Variants in TUSC3 observed in about 807,000 individuals in gnomAD.
The protein encoded by TUSC3 is tumor suppressor candidate 3, also known as dolichyl-diphosphooligosaccharide--protein glycosyltransferase subunit TUSC3.
A neutral mutation model predicts 44.8 loss-of-function variants in TUSC3; 45 were observed. The ratio of observed to expected loss-of-function variants is 1.00; its 90% CI spans 0.79 to 1.29. The LOEUF (loss-of-function observed/expected upper bound fraction) is 1.29. Among genes scored for constraint, TUSC3 ranks in the 50% most tolerant of loss-of-function variants. The probability of loss-of-function intolerance (pLI) is 0.00; values close to 1 mark genes in which losing one functional copy is unlikely to be tolerated. For missense variants in TUSC3, 519 were observed against 437.9 expected (o/e 1.19, Z -1.65); for synonymous variants, 212 against 152.9 (o/e 1.39, Z -2.85).
the TUSC3 span, among the ~76,000 whole-genome samples, chr8:15,830,777 G>C: frequency 4.6e-5 from 7 of 152,240 alleles, no homozygotes; most frequent in East Asian, 9.7e-4. Flanking sequence ...GTGGAAGGGG[G>C]ATCAGGGTTG....
In TUSC3 at chr8:15,651,413, A is replaced by AT. The variant is rs200331350; in HGVS notation, c.426+602dup. ...TCTCTCTGTTTATGGACTGAATTGT[A>AT]TTTCCCCAAATTCATAAGTTGAAGC... On this transcript the variant is annotated intron_variant, in intron 3 of 10. Coordinates refer to ENST00000503731, the MANE Select transcript of TUSC3 (RefSeq NM_006765.4). 4.8e-3 allele frequency among the ~76,000 whole-genome samples: 734 copies of AT among 152,294 alleles called. 18 individuals are homozygous for AT. The East Asian group carries it at 0.069, about 14-fold the overall frequency.
intron 1 of TUSC3, among the ~76,000 whole-genome samples, chr8:15,593,698 A>G (rs1425293025): frequency 6.6e-6 from 1 of 151,860 alleles, no homozygotes; most frequent in Non-Finnish European, 1.5e-5. Flanking sequence ...GTCTTTCCTC[A>G]TTTCTACCAT....
At chr8:15,677,340 T>G (rs1808235302) in intron 6 of TUSC3, among the ~76,000 whole-genome samples, 2 of 152,200 alleles carry the variant, frequency 1.3e-5, no homozygotes, top group African/African-American at 2.4e-5. Context: ...TAAATATGAT[T>G]TAATCTGTGA....
intron 1 of TUSC3, among the ~76,000 whole-genome samples, chr8:15,472,404 A>G (rs549467926): frequency 6.6e-6 from 1 of 152,322 alleles, no homozygotes; most frequent in East Asian, 1.9e-4. Flanking sequence ...TTATAATTAG[A>G]TAATTTATGC....
chr8:15,454,219 C>A (rs1316895924), intron 1 of TUSC3, among the ~76,000 whole-genome samples: 1 of 152,160 alleles, frequency 6.6e-6, no homozygotes, highest in Non-Finnish European at 1.5e-5. Context: ...CACACTTGAT[C>A]TCTCAAGTCA....
chr8:15,726,128 T>C (rs1810486383), intron 6 of TUSC3, among the ~76,000 whole-genome samples: 1 of 152,186 alleles, frequency 6.6e-6, no homozygotes, highest in African/African-American at 2.4e-5. Flanking sequence ...AACCAGAACG[T>C]ACTGACTGGT....
chr8:15,648,127 T>G (rs1806711849), intron 2 of TUSC3, among the ~76,000 whole-genome samples: 1 of 152,212 alleles, frequency 6.6e-6, no homozygotes, highest in Non-Finnish European at 1.5e-5. Flanking sequence ...AAGGACTTAC[T>G]GGACTCTAGG....
intron 6 of TUSC3, among the ~76,000 whole-genome samples, chr8:15,686,096 A>T (rs1808616876): frequency 6.6e-6 from 1 of 152,180 alleles, no homozygotes; most frequent in Non-Finnish European, 1.5e-5. Flanking sequence ...TAATGGCACA[A>T]GTCAAGTACT....
chr8:15,582,289 G>C (rs182102939), intron 1 of TUSC3, among the ~76,000 whole-genome samples: 7,944 of 152,278 alleles, frequency 0.052, 342 homozygotes, highest in Non-Finnish European at 0.072. Flanking sequence ...CACGCTGGGA[G>C]CTGTAGACCG....
In TUSC3 at chr8:15,763,597, C is replaced by T. The variant is rs191189154; in HGVS notation, c.*47-606C>T. ...CATAAATGTTATTTAAATTGATTTA[C>T]CATCTTACAAAATTAAATTTTGTTT... On this transcript the variant is annotated intron_variant, in intron 10 of 10. Coordinates refer to ENST00000503731, the MANE Select transcript of TUSC3 (RefSeq NM_006765.4). 2.9e-3 allele frequency among the ~76,000 whole-genome samples: 436 copies of T among 151,950 alleles called. 5 individuals are homozygous for T. The highest frequency in any genetic ancestry group is 4.5e-3 in the Admixed American group (68 of 15,220).
Position 15,576,347 on chromosome 8 carries a change from A to G in TUSC3, c.138+35779A>G, listed in dbSNP as rs895489259. Among the ~76,000 whole-genome samples, 1,378 of 138,844 alleles carry G rather than the reference A, an allele frequency of 9.9e-3. 9 individuals are homozygous for G. The highest frequency in any genetic ancestry group is 0.016 in the Non-Finnish European group (1,044 of 65,338). 91.1% of individuals were successfully genotyped at this position (138,844 alleles called of 152,430 possible). A position where few individuals can be genotyped will look rare whatever the true frequency, so the allele number is the denominator to read the frequency against. On this transcript the variant is annotated intron_variant, in intron 1 of 10. Coordinates refer to ENST00000503731, the MANE Select transcript of TUSC3 (RefSeq NM_006765.4). ...TATTATACTTTAAGTTTTAGGGTAC[A>G]TGTGCACATTGTGCAGGTTAGTTAC...
the TUSC3 span, among the ~76,000 whole-genome samples, chr8:15,816,587 G>A: frequency 6.6e-6 from 1 of 152,206 alleles, no homozygotes; most frequent in African/African-American, 2.4e-5. Context: ...CAACCTATTC[G>A]AAGACTTAAT....
chr8:15,755,054 C>T (rs1187960873), intron 9 of TUSC3, among the ~76,000 whole-genome samples: 1 of 152,022 alleles, frequency 6.6e-6, no homozygotes, highest in Admixed American at 6.6e-5. Context: ...CTTAAATCTT[C>T]CCCTAAAGTT....
chr8:15,454,221 C>A (rs1397991790), intron 1 of TUSC3, among the ~76,000 whole-genome samples: 1 of 152,192 alleles, frequency 6.6e-6, no homozygotes, highest in African/African-American at 2.4e-5. Context: ...CACTTGATCT[C>A]TCAAGTCACC....
chr8:15,516,735 T>C (rs1264359294), intron 2 of TUSC3, among the ~76,000 whole-genome samples: 4 of 152,150 alleles, frequency 2.6e-5, no homozygotes, highest in Non-Finnish European at 5.9e-5. Flanking sequence ...TAAAAGGTCA[T>C]TTACTACTCC....
the TUSC3 span, among the ~76,000 whole-genome samples, chr8:15,784,100 T>C: frequency 6.6e-6 from 1 of 152,134 alleles, no homozygotes; most frequent in East Asian, 1.9e-4. Context: ...GAAAAAATGC[T>C]CGACAACACT....
chr8:15,753,905 TAGAG>T (rs1367433460), intron 9 of TUSC3, among the ~76,000 whole-genome samples: 1 of 151,674 alleles, frequency 6.6e-6, no homozygotes, highest in African/African-American at 2.4e-5. Context: ...AGGGAACAAA[TAGAG>T]GGAACAAATG....
chr8:15,760,490 C>T (rs1332673740), intron 10 of TUSC3, among the ~76,000 whole-genome samples: 2 of 152,036 alleles, frequency 1.3e-5, no homozygotes, highest in Non-Finnish European at 2.9e-5. Flanking sequence ...TCAGTACACC[C>T]TGTGGTTTAA....
rs117179109 is a variant in TUSC3, at chr8:15,572,114, C to T, written c.138+31546C>T. On this transcript the variant is annotated intron_variant, in intron 1 of 10. Transcript: ENST00000503731. The stretch of plus-strand genomic sequence containing the variant: ...CAGCCTGTCCTTTCAAACCAGGCAT[C>T]GACTTCTCTCTAGCCATGGCATCGC... Among the ~76,000 whole-genome samples, 83 of 152,240 alleles carry T rather than the reference C, an allele frequency of 5.5e-4. 1 individual carries two copies. The Middle Eastern group carries it at 0.014, about 25-fold the overall frequency.
Sources: gnomAD v4.1 joint callset for allele counts (sites outside exome capture counted in the v4.1 genomes callset) on GRCh38, gnomAD v4.1.1 for gene constraint, MANE v1.5 for transcripts, NCBI Gene and HGNC (gene_info 2026-07-23, HGNC 2026-07-21) for gene names.